Variants in TENM1 observed in about 807,000 individuals in gnomAD.
The protein encoded by TENM1 is teneurin-1.
In TENM1, 35 loss-of-function variants were observed where a neutral mutation model predicts 174.8. The observed-to-expected ratio is 0.20, with a 90% CI of 0.15 to 0.27. The LOEUF (loss-of-function observed/expected upper bound fraction) is 0.27, where lower values mean the gene tolerates loss of function less well. TENM1 is among the 10% of genes least tolerant of loss of function. The pLI is 1.00. For synonymous variants in TENM1, 781 were observed against 798.7 expected, an observed-to-expected ratio of 0.98 and a Z score of 0.37; for missense variants, 1,633 against 2,130.1, an observed-to-expected ratio of 0.77 and a Z score of 4.59.
chrX:124,983,380 G>A, the TENM1 span, among the ~76,000 whole-genome samples: 2 of 111,577 alleles, frequency 1.8e-5, no homozygotes, highest in African/African-American at 6.5e-5. Context: ...GAGGCTTAGA[G>A]AGAATAAGTA....
chrX:124,583,824 T>C (rs1279320287), intron 11 of TENM1, among the ~76,000 whole-genome samples: 2 of 88,098 alleles, frequency 2.3e-5, no homozygotes, highest in Non-Finnish European at 4.4e-5. Context: ...GAATAACCAA[T>C]ACAGAGAAGT....
At chrX:124,589,352 T>TTTG (rs200125468) in intron 11 of TENM1, among the ~76,000 whole-genome samples, 4,894 of 104,722 alleles carry the variant, frequency 0.047, 126 homozygotes, top group Admixed American at 0.079. Flanking sequence ...TGGCCTGTAG[T>TTTG]TTGTTGTTGT....
At chrX:124,433,679 A>T (rs913235581) in intron 23 of TENM1, among the ~76,000 whole-genome samples, 4 of 112,385 alleles carry the variant, frequency 3.6e-5, no homozygotes, top group Admixed American at 1.9e-4. Flanking sequence ...GAAAGCATTT[A>T]AAAAAATTAT....
intron 18 of TENM1, among the ~76,000 whole-genome samples, chrX:124,517,844 G>A (rs868204922): frequency 0.013 from 2 of 157 alleles, no homozygotes; most frequent in Admixed American, 0.14. Flanking sequence ...AAATTAAAAG[G>A]AATTGGAAAA....
At chrX:124,724,118 C>T (rs1439556980) in intron 4 of TENM1, among the ~76,000 whole-genome samples, 1 of 111,691 alleles carries the variant, frequency 9.0e-6, no homozygotes, top group Non-Finnish European at 1.9e-5. Flanking sequence ...TTTTTTGATA[C>T]TGAACATTTC....
chrX:125,002,346 T>G, the TENM1 span, among the ~76,000 whole-genome samples: 1 of 111,478 alleles, frequency 9.0e-6, no homozygotes, highest in Admixed American at 9.5e-5. Flanking sequence ...TATGTTTTTA[T>G]TCAAGGTCCA....
chrX:124,824,785 T>C (rs2056117604), intron 3 of TENM1, among the ~76,000 whole-genome samples: 1 of 111,834 alleles, frequency 8.9e-6, no homozygotes, highest in Non-Finnish European at 1.9e-5. Context: ...GATATCATTT[T>C]GAATATTAAA....
At chrX:124,578,629 T>C (rs2049228163) in intron 11 of TENM1, among the ~76,000 whole-genome samples, 1 of 112,059 alleles carries the variant, frequency 8.9e-6, no homozygotes, top group Admixed American at 9.5e-5. Flanking sequence ...TGTTAGAAAT[T>C]ATGACTGCCT....
chrX:124,638,545 C>T (rs997224182), intron 11 of TENM1, among the ~76,000 whole-genome samples: 1 of 110,954 alleles, frequency 9.0e-6, no homozygotes, highest in African/African-American at 3.3e-5. Context: ...GTAAAGCACC[C>T]TACCATAGTA....
chrX:124,915,027 T>C (rs1036770424), intron 1 of TENM1, among the ~76,000 whole-genome samples: 1 of 111,692 alleles, frequency 9.0e-6, no homozygotes. Flanking sequence ...CTCATGACAT[T>C]TGTGCATGTT....
intron 11 of TENM1, among the ~76,000 whole-genome samples, chrX:124,573,251 T>A (rs1429902138): frequency 8.9e-6 from 1 of 111,868 alleles, no homozygotes; most frequent in Non-Finnish European, 1.9e-5. Flanking sequence ...GTTATTCATA[T>A]GAAATTTAAA....
intron 3 of TENM1, among the ~76,000 whole-genome samples, chrX:124,752,881 T>A (rs1231425767): frequency 9.0e-6 from 1 of 110,517 alleles, no homozygotes; most frequent in East Asian, 2.8e-4. Context: ...TACCATGCTG[T>A]TTTGGTTACT....
At chrX:125,156,440 C>G in the TENM1 span, among the ~76,000 whole-genome samples, 3 of 111,759 alleles carry the variant, frequency 2.7e-5, no homozygotes, top group Non-Finnish European at 5.6e-5. Context: ...ACATTGGTGT[C>G]TGCTGTTCTC....
chrX:125,168,208 C>T, the TENM1 span, among the ~76,000 whole-genome samples: 1 of 111,713 alleles, frequency 9.0e-6, no homozygotes, highest in Non-Finnish European at 1.9e-5. Context: ...TCAAGAGTTA[C>T]CTAGGGCACT....
At chrX:124,784,079 T>A (rs1315014995) in intron 3 of TENM1, among the ~76,000 whole-genome samples, 1 of 112,052 alleles carries the variant, frequency 8.9e-6, no homozygotes, top group African/African-American at 3.2e-5. Context: ...GAGAAAAAAA[T>A]TAAAACTATT....
chrX:124,973,902 G>C, the TENM1 span, among the ~76,000 whole-genome samples: 1 of 111,728 alleles, frequency 9.0e-6, no homozygotes, highest in Admixed American at 9.6e-5. Context: ...AGTGGGAATT[G>C]GACAATGAGA....
rs181778360 is a variant in TENM1 at position 124,635,432 on chromosome X, C to T, written c.2077+6359G>A. Among the ~76,000 whole-genome samples the T allele has an allele frequency of 1.4e-4, 16 of 112,296 alleles. No individual in the cohort carries two copies. The East Asian group carries it at 3.9e-3, about 28-fold the overall frequency. On this transcript the variant is annotated intron_variant, in intron 11 of 31. Coordinates refer to ENST00000422452, the Ensembl canonical transcript of TENM1. ...ATGATAATACCTTATATGATTTCTG[C>T]TGAATAGCAAATAGTATGTTGAAAA... is the stretch of plus-strand genomic sequence containing the variant.
the TENM1 span, among the ~76,000 whole-genome samples, chrX:125,173,423 A>G: frequency 2.7e-5 from 3 of 111,269 alleles, no homozygotes; most frequent in African/African-American, 9.8e-5. Flanking sequence ...TGTCACTATC[A>G]TTGGAGCTTA....
At chrX:124,869,676 A>T (rs1158451641) in intron 3 of TENM1, among the ~76,000 whole-genome samples, 1 of 111,423 alleles carries the variant, frequency 9.0e-6, no homozygotes, top group Non-Finnish European at 1.9e-5. Flanking sequence ...TTGCGACAAC[A>T]TGGATGGAAC....
Sources: gnomAD v4.1 joint callset for allele counts (sites outside exome capture counted in the v4.1 genomes callset) on GRCh38, gnomAD v4.1.1 for gene constraint, MANE v1.5 for transcripts, NCBI Gene and HGNC (gene_info 2026-07-23, HGNC 2026-07-21) for gene names.